GPR83: variants seen among roughly 807,000 people sequenced by gnomAD.
GPR83 encodes the protein G protein-coupled receptor 83, also known as G-protein coupled receptor 72.
Under a neutral mutation model 28.0 loss-of-function variants are expected in GPR83, and 23 were observed. The ratio of observed to expected loss-of-function variants is 0.82; its 90% CI spans 0.59 to 1.16. The LOEUF (loss-of-function observed/expected upper bound fraction) is 1.16. GPR83 is among the 50% of genes most tolerant of loss of function. The pLI, the probability that GPR83 is intolerant of heterozygous loss-of-function variation, is 0.00. For synonymous variants in GPR83, 234 were observed against 215.4 expected, an observed-to-expected ratio of 1.09 and a Z score of -0.76; for missense variants, 610 against 536.6, an observed-to-expected ratio of 1.14 and a Z score of -1.35.
intron 3 of GPR83, among the ~76,000 whole-genome samples, chr11:94,387,733 G>A (rs1944774998): frequency 2.0e-5 from 3 of 152,246 alleles, no homozygotes; most frequent in South Asian, 4.1e-4. Flanking sequence ...ATTCACAGCC[G>A]ATTTCTACCA....
Position 94,380,858 on chromosome 11 carries a change from C to T in GPR83, c.648-85G>A. The T allele has an allele frequency of 3.3e-6, 4 of 1,219,756 alleles. No homozygotes were observed. The South Asian group carries it at 5.8e-5, about 18-fold the overall frequency. The allele number at this position is 1,219,756 out of a possible 1,614,324, so 75.6% of individuals were successfully genotyped here. ...AGGCTTCATCCCAAGAAGCACTGGC[C>T]TCTCCTTCCACTGGGCTCCTGGTAC... On this transcript the variant is annotated intron_variant, in intron 3 of 3. Coordinates refer to ENST00000243673, the MANE Select transcript of GPR83 (RefSeq NM_016540.4).
rs1267271278 is a variant in GPR83, at chr11:94,380,354, A to G, written c.1067T>C (p.Leu356Pro). The G allele has an allele frequency of 5.0e-6, 8 of 1,613,900 alleles. No individual in the cohort carries two copies. Among genetic ancestry groups the G allele is most frequent in the Non-Finnish European group, 5.9e-6 (7 of 1,179,916 alleles). The part of the protein sequence containing the change: ...CWLNENFRIE[L>P]KALLSMCQRP... ...TTGACACATGCTCAGTAATGCCTTT[A>G]GCTCAATCCTGAAGTTCTCGTTCAG... Residue 356 changes from leucine (L) to proline (P), a missense_variant, in exon 4 of 4, where the codon CTA becomes CCA. By Grantham distance (98) the Leu-to-Pro change is moderately conservative (BLOSUM62 -3). Coordinates refer to ENST00000243673, the MANE Select transcript of GPR83 (RefSeq NM_016540.4).
intron 1 of GPR83, among the ~76,000 whole-genome samples, chr11:94,400,638 G>GA (rs1944902783): frequency 6.6e-6 from 1 of 151,568 alleles, no homozygotes; most frequent in South Asian, 2.1e-4. Context: ...GAAAGACTAA[G>GA]AAAAACAGGA....
intron 3 of GPR83, among the ~76,000 whole-genome samples, chr11:94,390,161 G>T (rs534573356): frequency 1.3e-5 from 2 of 152,032 alleles, no homozygotes; most frequent in South Asian, 2.1e-4. Flanking sequence ...CACACACTGG[G>T]GACTGTTGTG....
Position 94,401,343 on chromosome 11 carries a change from A to T in GPR83, c.-96T>A. The T allele has an allele frequency of 1.6e-6, 2 of 1,259,876 alleles. No individual in the cohort carries two copies. Among genetic ancestry groups the T allele is most frequent in the South Asian group, 3.2e-5 (2 of 62,110 alleles). 78.0% of individuals were successfully genotyped at this position (1,259,876 alleles called of 1,614,324 possible). ...AGCCGGGGTGCGGGGCGCACAGCAT[A>T]CAAGGCCGTCCCGAGGAGCCAGGGA... On this transcript the variant is annotated 5_prime_UTR_variant, in exon 1 of 4. Transcript: ENST00000243673.
At chr11:94,389,675 T>A (rs532682566) in intron 3 of GPR83, among the ~76,000 whole-genome samples, 12 of 152,240 alleles carry the variant, frequency 7.9e-5, no homozygotes, top group African/African-American at 2.9e-4. Context: ...AAACAACAGG[T>A]GCTGGAGAGG....
chr11:94,394,556 A>ACTT, intron 2 of GPR83, among the ~76,000 whole-genome samples: 1 of 152,316 alleles, frequency 6.6e-6, no homozygotes, highest in Non-Finnish European at 1.5e-5. Flanking sequence ...TTGGGGGAAG[A>ACTT]GGTCAGGAAG....
chr11:94,401,315 C>G lies in GPR83; in HGVS notation c.-68G>C. 2 of 1,458,774 alleles carry G rather than the reference C, an allele frequency of 1.4e-6. No homozygotes were observed. Among genetic ancestry groups the G allele is most frequent in the African/African-American group, 1.4e-5 (1 of 70,964 alleles). The allele number at this position is 1,458,774 out of a possible 1,614,324, so 90.4% of individuals were successfully genotyped here. A position where few individuals can be genotyped will look rare whatever the true frequency, so the allele number is the denominator to read the frequency against. ...GTCCCCTCCCGCTGGGATCGGAGCG[C>G]GCAGCCGGGGTGCGGGGCGCACAGC... On this transcript the variant is annotated 5_prime_UTR_variant, in exon 1 of 4. Coordinates refer to ENST00000243673, the MANE Select transcript of GPR83 (RefSeq NM_016540.4).
rs983327905 is a variant in GPR83, at chr11:94,377,936, C to G, written c.*2213G>C. 6.6e-6 allele frequency: 1 copy of G among 152,208 alleles called. No individual in the cohort carries two copies. The highest frequency in any genetic ancestry group is 1.5e-5 in the Non-Finnish European group (1 of 68,028). The allele number at this position is 152,208 out of a possible 1,614,324, so 9.4% of individuals were successfully genotyped here. On this transcript the variant is annotated 3_prime_UTR_variant, in exon 4 of 4. Coordinates refer to ENST00000243673, the MANE Select transcript of GPR83 (RefSeq NM_016540.4). ...GGAGTGAAGTACAACATCCTCCATG[C>G]TTCCCAGAGCAGGACAAACCTTCTG... is the stretch of plus-strand genomic sequence containing the variant.
intron 3 of GPR83, among the ~76,000 whole-genome samples, chr11:94,386,306 C>T (rs1020605578): frequency 6.6e-6 from 1 of 152,082 alleles, no homozygotes; most frequent in South Asian, 2.1e-4. Flanking sequence ...AGCAAAATAG[C>T]CAGCTAACAT....
intron 2 of GPR83, among the ~76,000 whole-genome samples, chr11:94,395,787 T>A (rs892642989): frequency 2.6e-5 from 4 of 152,256 alleles, no homozygotes; most frequent in African/African-American, 9.6e-5. Context: ...TGGCTTGTTT[T>A]CCGTCTGAAC....
chr11:94,382,575 A>G (rs1944704170), intron 3 of GPR83, among the ~76,000 whole-genome samples: 1 of 152,204 alleles, frequency 6.6e-6, no homozygotes, highest in African/African-American at 2.4e-5. Context: ...CTCTCACACA[A>G]TAATAGTGGG....
Position 94,379,803 on chromosome 11 carries a change from A to C in GPR83, c.*346T>G. 5.5e-6 allele frequency: 1 copy of C among 180,682 alleles called. No individual in the cohort carries two copies. Among genetic ancestry groups the C allele is most frequent in the Admixed American group, 5.7e-5 (1 of 17,592 alleles). The allele number at this position is 180,682 out of a possible 1,614,324, so 11.2% of individuals were successfully genotyped here. A position where few individuals can be genotyped will look rare whatever the true frequency, so the allele number is the denominator to read the frequency against. ...GTCTCCCTTAGGGATGCTCAGCAGT[A>C]GGAAGGGCTGTAAGGCAGCAGCTGC... is the stretch of plus-strand genomic sequence containing the variant. On this transcript the variant is annotated 3_prime_UTR_variant, in exon 4 of 4. Coordinates refer to ENST00000243673, the MANE Select transcript of GPR83 (RefSeq NM_016540.4).
chr11:94,393,124 T>G lies in GPR83; in HGVS notation c.647+361A>C, dbSNP rs151079387. On this transcript the variant is annotated intron_variant, in intron 3 of 3. Coordinates refer to ENST00000243673, the MANE Select transcript of GPR83 (RefSeq NM_016540.4). Reference sequence around the variant, plus strand: ...CTCAGGCATGCATGCGGATTTTGTTTGTAGATAGTGTGAGAGGTTTACACC... The same window carrying G: ...CTCAGGCATGCATGCGGATTTTGTTGGTAGATAGTGTGAGAGGTTTACACC... Among the ~76,000 whole-genome samples, 719 of 152,304 alleles carry G rather than the reference T, an allele frequency of 4.7e-3. 7 individuals carry two copies. The highest frequency in any genetic ancestry group is 0.016 in the African/African-American group (646 of 41,560).
In GPR83 at chr11:94,385,358, G is replaced by A. The variant is rs573901946; in HGVS notation, c.648-4585C>T. Among the ~76,000 whole-genome samples the A allele has an allele frequency of 2.0e-5, 3 of 152,316 alleles. No homozygotes were observed. The South Asian group carries it at 6.2e-4, about 32-fold the overall frequency. ...AAAAAGCTGGACGGAGAATGACTTT[G>A]ATGAGCTGAGAGAAGAAGGCTTCAG... On this transcript the variant is annotated intron_variant, in intron 3 of 3. Coordinates refer to ENST00000243673, the MANE Select transcript of GPR83 (RefSeq NM_016540.4).
In GPR83 at chr11:94,379,480, C is replaced by T. The variant is rs1311293961; in HGVS notation, c.*669G>A. On this transcript the variant is annotated 3_prime_UTR_variant, in exon 4 of 4. Coordinates refer to ENST00000243673, the MANE Select transcript of GPR83 (RefSeq NM_016540.4). ...CACAGCATGTTCACAGATGTTATCA[C>T]AAATGGATGGGATAAGAGAGTGATT... is the stretch of plus-strand genomic sequence containing the variant. 6.6e-6 allele frequency: 1 copy of T among 151,562 alleles called. No individual in the cohort carries two copies. The highest frequency in any genetic ancestry group is 1.5e-5 in the Non-Finnish European group (1 of 67,964). The allele number at this position is 151,562 out of a possible 1,614,324, so 9.4% of individuals were successfully genotyped here.
chr11:94,388,166 C>A (rs375751345), intron 3 of GPR83, among the ~76,000 whole-genome samples: 1 of 152,110 alleles, frequency 6.6e-6, no homozygotes, highest in Non-Finnish European at 1.5e-5. Flanking sequence ...ATTGATGGGA[C>A]GTATCTCAAA....
At chr11:94,389,004 C>T (rs1035521444) in intron 3 of GPR83, among the ~76,000 whole-genome samples, 2 of 152,098 alleles carry the variant, frequency 1.3e-5, no homozygotes, top group African/African-American at 4.8e-5. Context: ...GAACAGAGCC[C>T]TCAGAAATAA....
intron 3 of GPR83, among the ~76,000 whole-genome samples, chr11:94,389,269 G>T (rs1472765966): frequency 6.6e-6 from 1 of 152,170 alleles, no homozygotes; most frequent in African/African-American, 2.4e-5. Context: ...CATGGGCAAG[G>T]ACTTCATGTC....
Sources: allele counts gnomAD v4.1 joint callset (sites outside exome capture counted in the v4.1 genomes callset), GRCh38; gene constraint gnomAD v4.1.1; transcripts MANE v1.5; gene names NCBI Gene and HGNC (gene_info 2026-07-23, HGNC 2026-07-21).